Variants in CIB1 observed in about 807,000 individuals in gnomAD.
The protein encoded by CIB1 is calcium and integrin binding 1, also known as calcium and integrin-binding protein 1.
A neutral mutation model predicts 25.0 loss-of-function variants in CIB1; 19 were observed. The ratio of observed to expected loss-of-function variants is 0.76; its 90% CI spans 0.53 to 1.12. The LOEUF (loss-of-function observed/expected upper bound fraction) is 1.12, where lower values mean the gene tolerates loss of function less well. CIB1 is among the 50% of genes most tolerant of loss of function. The pLI, the probability that CIB1 is intolerant of heterozygous loss-of-function variation, is 0.00. For missense variants in CIB1, 236 were observed against 242.6 expected (o/e 0.97, Z 0.18); for synonymous variants, 104 against 98.5 (o/e 1.06, Z -0.33).
chr15:90,257,417 G>C, the CIB1 span: 1 of 1,323,272 alleles, frequency 7.6e-7, no homozygotes, highest in Non-Finnish European at 1.0e-6. Flanking sequence ...CATCTAGCTG[G>C]GAGGCAAGTG....
At chr15:90,258,726 A>G in the CIB1 span, 515 of 1,611,954 alleles carry the variant, frequency 3.2e-4, 5 homozygotes, top group South Asian at 3.1e-3. Context: ...GGGGTGTATA[A>G]TGACTCCTCC....
In CIB1 at chr15:90,233,531, C is replaced by A. The variant is rs138337247; in HGVS notation, c.86+138G>T. On this transcript the variant is annotated intron_variant, in intron 2 of 6. Coordinates refer to ENST00000328649, the MANE Select transcript of CIB1 (RefSeq NM_006384.4). ...GGCGTGCCGGGAGGAGGGCGCAGCCCGGGCTAGGTCTCCCGGCCTCCAGCT... is the reference window on the plus strand; with the variant it reads ...GGCGTGCCGGGAGGAGGGCGCAGCCAGGGCTAGGTCTCCCGGCCTCCAGCT... 8.5e-3 allele frequency: 9,672 copies of A among 1,135,296 alleles called. 58 individuals are homozygous for A. Among genetic ancestry groups the A allele is most frequent in the Non-Finnish European group, 0.01 (7,999 of 774,192 alleles). The allele number at this position is 1,135,296 out of a possible 1,614,324, so 70.3% of individuals were successfully genotyped here. A position where few individuals can be genotyped will look rare whatever the true frequency, so the allele number is the denominator to read the frequency against.
the CIB1 span, chr15:90,262,869 A>T: frequency 7.4e-7 from 1 of 1,345,034 alleles, no homozygotes; most frequent in Non-Finnish European, 9.9e-7. Flanking sequence ...CAGGGAAGGG[A>T]TGAGGGTAGA....
chr15:90,262,856 G>C, the CIB1 span: 1 of 1,310,216 alleles, frequency 7.6e-7, no homozygotes, highest in African/African-American at 1.5e-5. Flanking sequence ...AACCTTCCTG[G>C]GTCAGGGAAG....
intron 2 of CIB1, among the ~76,000 whole-genome samples, chr15:90,232,942 AC>A (rs1190406431): frequency 6.7e-6 from 1 of 149,180 alleles, no homozygotes; most frequent in Non-Finnish European, 1.5e-5. Flanking sequence ...AAAAAAAAAA[AC>A]GGAGAAAAGA....
chr15:90,232,067 G>A (rs1962505857), intron 3 of CIB1, 152 bp downstream of exon 3: 1 of 617,490 alleles, frequency 1.6e-6, no homozygotes, highest in African/African-American at 1.8e-5. Context: ...TTTTGGTAAA[G>A]TCCTTGCCCC....
chr15:90,265,756 C>T, the CIB1 span: 2 of 1,613,134 alleles, frequency 1.2e-6, no homozygotes, highest in Non-Finnish European at 1.7e-6. Context: ...CGCGTTTGCG[C>T]CGCCGTCACT....
chr15:90,232,437 C>T (rs979488875), intron 2 of CIB1, 110 bp from the exon 3 acceptor site: 7 of 1,439,990 alleles, frequency 4.9e-6, no homozygotes, highest in African/African-American at 1.4e-5. Flanking sequence ...GCTAAAACCA[C>T]GTACACAGAA....
the CIB1 span, among the ~76,000 whole-genome samples, chr15:90,248,283 C>A: frequency 1.1e-4 from 16 of 152,150 alleles, no homozygotes; most frequent in Non-Finnish European, 1.9e-4. Context: ...TAAACAGTTT[C>A]TTTGGGTTGC....
chr15:90,257,216 A>C, the CIB1 span: 1 of 1,613,596 alleles, frequency 6.2e-7, no homozygotes, highest in Non-Finnish European at 8.5e-7. Flanking sequence ...CCGGATCTTC[A>C]CATATGAGGA....
chr15:90,250,718 A>T, the CIB1 span: 1 of 1,614,066 alleles, frequency 6.2e-7, no homozygotes, highest in East Asian at 2.2e-5. Context: ...AGAGGGAGTT[A>T]CCAACCCCTC....
At chr15:90,253,305 A>C in the CIB1 span, 2 of 1,613,616 alleles carry the variant, frequency 1.2e-6, no homozygotes, top group Non-Finnish European at 1.7e-6. Context: ...TGAAGAGTGG[A>C]CTCTGTACTG....
the CIB1 span, chr15:90,245,489 A>AAAG: frequency 2.0e-5 from 3 of 151,730 alleles, no homozygotes; most frequent in Admixed American, 1.3e-4. Context: ...AAAAAAAAAG[A>AAAG]AAAAAACAGT....
the CIB1 span, chr15:90,257,298 G>A: frequency 6.2e-7 from 1 of 1,600,452 alleles, no homozygotes. Context: ...GGACTGGGAA[G>A]CACTCTTCTT....
At chr15:90,235,096 T>C (rs1315497995), upstream of CIB1, among the ~76,000 whole-genome samples, 2 of 152,216 alleles carry the variant, frequency 1.3e-5, no homozygotes, top group African/African-American at 4.8e-5. Flanking sequence ...ATTGGCTCTC[T>C]GTCTTTCAGC....
At chr15:90,253,516 A>C in the CIB1 span, 1 of 514,538 alleles carries the variant, frequency 1.9e-6, no homozygotes, top group Non-Finnish European at 3.5e-6. Flanking sequence ...TTCTTTTCCA[A>C]TGGAAAGATC....
the CIB1 span, chr15:90,258,973 G>A: frequency 8.1e-6 from 13 of 1,613,436 alleles, no homozygotes; most frequent in Non-Finnish European, 1.0e-5. Flanking sequence ...TTATTCCTGA[G>A]AGTAAAAGTC....
the CIB1 span, chr15:90,257,994 A>C: frequency 6.3e-6 from 10 of 1,582,298 alleles, no homozygotes; most frequent in Non-Finnish European, 8.7e-6. Flanking sequence ...AGCCTGGCCC[A>C]GTGGCCTAGA....
the CIB1 span, chr15:90,251,543 C>T: frequency 2.5e-6 from 4 of 1,613,640 alleles, no homozygotes; most frequent in Non-Finnish European, 3.4e-6. Context: ...TATGCTATTC[C>T]TCCATTCCAG....
Sources: gnomAD v4.1 joint callset for allele counts (sites outside exome capture counted in the v4.1 genomes callset) on GRCh38, gnomAD v4.1.1 for gene constraint, MANE v1.5 for transcripts, NCBI Gene and HGNC (gene_info 2026-07-23, HGNC 2026-07-21) for gene names.